Variants in SLC44A1 observed in about 807,000 individuals in gnomAD.
The protein encoded by SLC44A1 is solute carrier family 44 member 1.
In SLC44A1, 26 loss-of-function variants were observed where a neutral mutation model predicts 79.3. The observed-to-expected ratio is 0.33, with a 90% CI of 0.24 to 0.46. SLC44A1 has a LOEUF of 0.46. Ranked by LOEUF, SLC44A1 falls within the 20% of genes least tolerant of loss-of-function variation. The pLI is 1.00. For missense variants in SLC44A1, 688 were observed against 798.1 expected, an observed-to-expected ratio of 0.86 and a Z score of 1.66; for synonymous variants, 263 against 286.2, an observed-to-expected ratio of 0.92 and a Z score of 0.82.
At chr9:105,419,672 T>C (rs1564058073) in intron 15 of SLC44A1, among the ~76,000 whole-genome samples, 1 of 152,162 alleles carries the variant, frequency 6.6e-6, no homozygotes, top group Admixed American at 6.5e-5. Context: ...AATACCACTT[T>C]GGGAGGCCGA....
intron 1 of SLC44A1, among the ~76,000 whole-genome samples, chr9:105,279,923 G>A (rs891046686): frequency 1.3e-5 from 2 of 152,072 alleles, no homozygotes; most frequent in African/African-American, 4.8e-5. Flanking sequence ...GAAACATGTA[G>A]CATAAAAAAA....
intron 1 of SLC44A1, among the ~76,000 whole-genome samples, chr9:105,264,195 A>G (rs1446863570): frequency 1.4e-4 from 22 of 151,758 alleles, no homozygotes; most frequent in Admixed American, 1.4e-3. Context: ...GATGGAGTCT[A>G]CTCTGTCACC....
intron 5 of SLC44A1, among the ~76,000 whole-genome samples, chr9:105,352,161 A>G (rs913426240): frequency 6.6e-6 from 1 of 152,206 alleles, no homozygotes; most frequent in Non-Finnish European, 1.5e-5. Flanking sequence ...GAAAAAAGAA[A>G]CACCACTCCA....
intron 2 of SLC44A1, among the ~76,000 whole-genome samples, chr9:105,303,920 C>T (rs1830948604): frequency 6.6e-6 from 1 of 152,156 alleles, no homozygotes; most frequent in East Asian, 1.9e-4. Context: ...AGAAAGGAGA[C>T]TGCAGTCTTC....
chr9:105,376,167 T>C (rs1020756304), intron 13 of SLC44A1, among the ~76,000 whole-genome samples: 2 of 152,166 alleles, frequency 1.3e-5, no homozygotes, highest in East Asian at 3.8e-4. Context: ...GAAGTATATA[T>C]AGCATTGTGT....
At chr9:105,325,687 C>A (rs1033569755) in intron 3 of SLC44A1, among the ~76,000 whole-genome samples, 2 of 152,188 alleles carry the variant, frequency 1.3e-5, no homozygotes, top group Non-Finnish European at 2.9e-5. Context: ...AAAGGCACCA[C>A]CTCTCAATAC....
At chr9:105,327,631 G>C (rs1292170508) in intron 3 of SLC44A1, among the ~76,000 whole-genome samples, 1 of 152,084 alleles carries the variant, frequency 6.6e-6, no homozygotes, top group East Asian at 1.9e-4. Flanking sequence ...GAACCATCCT[G>C]ACCATTTTCT....
At chr9:105,401,751 A>G (rs1245673228), downstream of SLC44A1, among the ~76,000 whole-genome samples, 1 of 152,222 alleles carries the variant, frequency 6.6e-6, no homozygotes, top group African/African-American at 2.4e-5. Context: ...TGCTCACAGC[A>G]GCGTGCTAAA....
chr9:105,346,566 T>A (rs1438392297), intron 4 of SLC44A1, among the ~76,000 whole-genome samples: 1 of 152,118 alleles, frequency 6.6e-6, no homozygotes, highest in Non-Finnish European at 1.5e-5. Flanking sequence ...CAGTTGCTAT[T>A]TTTCATGAGC....
intron 1 of SLC44A1, among the ~76,000 whole-genome samples, chr9:105,273,034 C>T (rs964018971): frequency 2.0e-5 from 3 of 151,574 alleles, no homozygotes; most frequent in African/African-American, 7.3e-5. Context: ...CTCTGTCACC[C>T]AGGCTGGAAT....
At chr9:105,418,416 G>A (rs750840602) in intron 15 of SLC44A1, among the ~76,000 whole-genome samples, 3 of 152,006 alleles carry the variant, frequency 2.0e-5, no homozygotes, top group South Asian at 2.1e-4. Context: ...CACTGCAACA[G>A]TAGTAATTGG....
At chr9:105,334,525 G>A (rs528041123) in intron 3 of SLC44A1, among the ~76,000 whole-genome samples, 6 of 152,264 alleles carry the variant, frequency 3.9e-5, no homozygotes, top group African/African-American at 1.2e-4. Context: ...TTAACTGTGT[G>A]AAAGGCTATT....
intron 15 of SLC44A1, among the ~76,000 whole-genome samples, chr9:105,415,451 C>G (rs560315352): frequency 6.6e-6 from 1 of 152,328 alleles, no homozygotes; most frequent in South Asian, 2.1e-4. Flanking sequence ...ACTATGGACA[C>G]GCATGCTGTT....
At chr9:105,325,137 G>A (rs1315629262) in intron 3 of SLC44A1, among the ~76,000 whole-genome samples, 2 of 152,152 alleles carry the variant, frequency 1.3e-5, no homozygotes, top group Non-Finnish European at 2.9e-5. Context: ...TAAACAAAAT[G>A]TGGTATATCC....
intron 15 of SLC44A1, among the ~76,000 whole-genome samples, chr9:105,405,690 C>T (rs1366870143): frequency 3.3e-5 from 5 of 152,022 alleles, no homozygotes; most frequent in Non-Finnish European, 7.3e-5. Flanking sequence ...TCTGGTGGCT[C>T]CCTGAATGAT....
At chr9:105,274,189 C>T (rs1455485340) in intron 1 of SLC44A1, among the ~76,000 whole-genome samples, 1 of 152,156 alleles carries the variant, frequency 6.6e-6, no homozygotes, top group Non-Finnish European at 1.5e-5. Flanking sequence ...TCGCATTTTA[C>T]CAGATGTTCC....
intron 15 of SLC44A1, among the ~76,000 whole-genome samples, chr9:105,432,964 A>C (rs568000871): frequency 6.6e-6 from 1 of 152,200 alleles, no homozygotes; most frequent in South Asian, 2.1e-4. Flanking sequence ...TGCAAAGTAC[A>C]TATTTGGTAA....
intron 1 of SLC44A1, among the ~76,000 whole-genome samples, chr9:105,270,077 A>C (rs1830044043): frequency 6.6e-6 from 1 of 152,184 alleles, no homozygotes; most frequent in Admixed American, 6.5e-5. Flanking sequence ...TATTGAAAAA[A>C]ATATCTTTTC....
At chr9:105,280,341 A>G (rs1830320883) in intron 1 of SLC44A1, among the ~76,000 whole-genome samples, 1 of 152,216 alleles carries the variant, frequency 6.6e-6, no homozygotes, top group Non-Finnish European at 1.5e-5. Context: ...TAATGTCTTC[A>G]AGGATAACTT....
Sources: allele counts gnomAD v4.1 joint callset (sites outside exome capture counted in the v4.1 genomes callset), GRCh38; gene constraint gnomAD v4.1.1; transcripts MANE v1.5; gene names NCBI Gene and HGNC (gene_info 2026-07-23, HGNC 2026-07-21).